The following GLTP variants were observed in gnomAD, a reference collection of about 807,000 sequenced individuals.
GLTP encodes the protein glycolipid transfer protein.
A neutral mutation model predicts 24.0 loss-of-function variants in GLTP; 22 were observed. That is an observed-to-expected ratio of 0.92 (90% CI 0.65 to 1.31). The LOEUF (loss-of-function observed/expected upper bound fraction) is 1.31. Among genes scored for constraint, GLTP ranks in the 50% most tolerant of loss-of-function variants. GLTP has a pLI of 0.00. For synonymous variants in GLTP, 92 were observed against 115.9 expected (o/e 0.79, Z 1.33); for missense variants, 224 against 276.6 (o/e 0.81, Z 1.35).
chr12:109,858,194 C>T (rs781611277), intron 2 of GLTP: 4 of 457,274 alleles, frequency 8.7e-6, no homozygotes, highest in South Asian at 6.2e-5. Context: ...GCTTCCTCAT[C>T]TGTAAAAAGG....
In GLTP at chr12:109,852,529, G is replaced by A. The variant is rs543402182; in HGVS notation, c.*26C>T. On this transcript the variant is annotated 3_prime_UTR_variant, in exon 5 of 5. Transcript: ENST00000318348. The stretch of plus-strand genomic sequence containing the variant: ...CTGTTTCTCCATGTGGCCACGAGTC[G>A]GGGACGTGTCCAGCAGTGGGCATGC... 8.0e-5 allele frequency: 120 copies of A among 1,496,468 alleles called. 3 individuals are homozygous for A. The South Asian group carries it at 1.0e-3, about 13-fold the overall frequency. 92.7% of individuals were successfully genotyped at this position (1,496,468 alleles called of 1,614,324 possible). A position where few individuals can be genotyped will look rare whatever the true frequency, so the allele number is the denominator to read the frequency against.
Position 109,858,741 on chromosome 12 carries a change from T to C in GLTP, c.104A>G (p.Asp35Gly), listed in dbSNP as rs760078865. 2.5e-6 allele frequency: 4 copies of C among 1,605,276 alleles called. No individual in the cohort carries two copies. Among genetic ancestry groups the C allele is most frequent in the Non-Finnish European group, 3.4e-6 (4 of 1,172,002 alleles). ...EAVSHLPPFF[D>G]CLGSPVFTPI... ...AGTAAACACTGGGGACCCAAGGCAA[T>C]CTGGGGACAAAATGAGAAGACAGAT... Residue 35 changes from aspartate (D) to glycine (G), a missense_variant and splice_region_variant, in exon 2 of 5, where the codon GAT becomes GGT. By Grantham distance (94) the Asp-to-Gly change is moderately conservative (BLOSUM62 -1). Coordinates refer to ENST00000318348, the MANE Select transcript of GLTP (RefSeq NM_016433.4).
chr12:109,873,929 G>A (rs1868806608), intron 1 of GLTP, among the ~76,000 whole-genome samples: 1 of 152,206 alleles, frequency 6.6e-6, no homozygotes, highest in African/African-American at 2.4e-5. Context: ...CAGGAGTTAT[G>A]GACCAGCTTG....
intron 1 of GLTP, among the ~76,000 whole-genome samples, chr12:109,875,581 A>G (rs1868856386): frequency 6.6e-6 from 1 of 152,042 alleles, no homozygotes. Flanking sequence ...GAGAAAGGAG[A>G]CCTCCCAGAA....
rs1362961799 is a variant in GLTP at position 109,855,289 on chromosome 12, G to C, written c.447+330C>G. ...AGGGGTAAATTTGAGGGGCCATCAG[G>C]CTGGGCCACTTTTGACCTGGGGTCC... On this transcript the variant is annotated intron_variant, in intron 4 of 4. Transcript: ENST00000318348. This position sits in a 1 kb window ranked among gnomAD's most constrained non-coding sequence, Gnocchi z 4.1. Among the ~76,000 whole-genome samples, 1 of 152,198 alleles carries C rather than the reference G, an allele frequency of 6.6e-6. No homozygotes were observed. The highest frequency in any genetic ancestry group is 6.5e-5 in the Admixed American group (1 of 15,284).
intron 1 of GLTP, among the ~76,000 whole-genome samples, chr12:109,868,833 A>G (rs1868623686): frequency 6.6e-6 from 1 of 152,152 alleles, no homozygotes; most frequent in African/African-American, 2.4e-5. Flanking sequence ...GATGGAGATG[A>G]ATCATTTATT....
chr12:109,878,263 G>A (rs1868947791), intron 1 of GLTP, among the ~76,000 whole-genome samples: 1 of 152,094 alleles, frequency 6.6e-6, no homozygotes, highest in African/African-American at 2.4e-5. Context: ...GTGCAACCTC[G>A]CTGAAAATAA....
At position 109,855,501 on chromosome 12, in the gene GLTP, C is replaced by T; in HGVS notation, c.447+118G>A. On this transcript the variant is annotated intron_variant, in intron 4 of 4. Transcript: ENST00000318348. The surrounding 1 kb of genome is among the most constrained non-coding windows in gnomAD (Gnocchi z 4.1). ...ACCCAAATAGATGAGGGAGCCCTTC[C>T]TGAGCCCGAGGGGGTAAACACAGCC... 1.1e-6 allele frequency: 1 copy of T among 896,916 alleles called. No homozygotes were observed. The highest frequency in any genetic ancestry group is 2.7e-5 in the East Asian group (1 of 36,426). 55.6% of individuals were successfully genotyped at this position (896,916 alleles called of 1,614,324 possible). A position where few individuals can be genotyped will look rare whatever the true frequency, so the allele number is the denominator to read the frequency against.
At chr12:109,861,557 G>A (rs1465378855) in intron 1 of GLTP, among the ~76,000 whole-genome samples, 1 of 152,162 alleles carries the variant, frequency 6.6e-6, no homozygotes, top group Non-Finnish European at 1.5e-5. Context: ...AGACCAGCCT[G>A]GCCAACATGG....
intron 1 of GLTP, among the ~76,000 whole-genome samples, chr12:109,861,141 A>G (rs1263476200): frequency 2.6e-5 from 4 of 152,214 alleles, no homozygotes; most frequent in African/African-American, 7.2e-5. Flanking sequence ...GCATGAGGGC[A>G]GAAGGCTAGG....
At chr12:109,854,233 A>G (rs1592887694) in intron 4 of GLTP, among the ~76,000 whole-genome samples, 1 of 151,614 alleles carries the variant, frequency 6.6e-6, no homozygotes. Context: ...GGTGGCTCGC[A>G]CCTGTAGTCC....
In GLTP at chr12:109,854,850, C is replaced by T. The variant is rs575449334; in HGVS notation, c.447+769G>A. On this transcript the variant is annotated intron_variant, in intron 4 of 4. Coordinates refer to ENST00000318348, the MANE Select transcript of GLTP (RefSeq NM_016433.4). ...ATGACCAGCTCTTCCTCTCTGGAACCATACTGGCTTCTGCCCCAGCCTGCT... is the reference window on the plus strand; with the variant it reads ...ATGACCAGCTCTTCCTCTCTGGAACTATACTGGCTTCTGCCCCAGCCTGCT... 3.8e-4 allele frequency among the ~76,000 whole-genome samples: 58 copies of T among 152,338 alleles called. 1 individual carries two copies. Among genetic ancestry groups the T allele is most frequent in the Admixed American group, 3.2e-3 (49 of 15,308 alleles).
chr12:109,857,744 C>A lies in GLTP; in HGVS notation c.163-85G>T, dbSNP rs1892818323. ...GCACGCTGGGTGAAAAGCACCCTAC[C>A]GGCATCTCCTGCTCCTTCCTGCCCT... On this transcript the variant is annotated intron_variant, in intron 2 of 4. Transcript: ENST00000318348. The surrounding 1 kb of genome is among the most constrained non-coding windows in gnomAD (Gnocchi z 4.3). The A allele has an allele frequency of 7.4e-7, 1 of 1,353,238 alleles. No individual in the cohort carries two copies. 83.8% of individuals were successfully genotyped at this position (1,353,238 alleles called of 1,614,324 possible).
At position 109,880,310 on chromosome 12, in the gene GLTP, G is replaced by A. The variant is rs748109225; in HGVS notation, c.65C>T (p.Pro22Leu). The change falls in exon 1 of 5, where the codon CCC (proline) becomes CTC (leucine). Residue 22 changes from proline (P) to leucine (L), a missense_variant. Coordinates refer to ENST00000318348, the MANE Select transcript of GLTP (RefSeq NM_016433.4). The surrounding 1 kb of genome is among the most constrained non-coding windows in gnomAD (Gnocchi z 5.1). Reference protein sequence around the residue: ...LPADKQIETGPFLEAVSHLPP... With the variant: ...LPADKQIETGLFLEAVSHLPP... ...CAGGTGGGACACCGCCTCGAGGAAG[G>A]GCCCGGTCTCGATCTGCTTGTCCGC... 2.5e-6 allele frequency: 4 copies of A among 1,606,790 alleles called. No homozygotes were observed. The highest frequency in any genetic ancestry group is 1.7e-6 in the Non-Finnish European group (2 of 1,178,034).
intron 1 of GLTP, among the ~76,000 whole-genome samples, chr12:109,876,244 G>A (rs1285003202): frequency 1.3e-5 from 2 of 152,150 alleles, no homozygotes; most frequent in Admixed American, 6.5e-5. Context: ...TTGGGAGGCC[G>A]AGGCATGAGG....
At chr12:109,877,479 G>A (rs1277585067) in intron 1 of GLTP, among the ~76,000 whole-genome samples, 1 of 152,138 alleles carries the variant, frequency 6.6e-6, no homozygotes, top group Middle Eastern at 3.2e-3. Context: ...CCTCCCTGGG[G>A]ATAGTTTAGG....
In GLTP at chr12:109,855,792, T is replaced by C; in HGVS notation, c.297-23A>G. On this transcript the variant is annotated intron_variant, in intron 3 of 4. Transcript: ENST00000318348. The surrounding 1 kb of genome is among the most constrained non-coding windows in gnomAD (Gnocchi z 4.1). ...CCTCTGTGGCCCAGGGAGGAGAAGGTTCGTTAGGACCCTGCACAGCCCTGT... is the reference window on the plus strand; with the variant it reads ...CCTCTGTGGCCCAGGGAGGAGAAGGCTCGTTAGGACCCTGCACAGCCCTGT... 6.4e-7 allele frequency: 1 copy of C among 1,561,812 alleles called. No individual in the cohort carries two copies. The highest frequency in any genetic ancestry group is 8.7e-7 in the Non-Finnish European group (1 of 1,155,258).
intron 1 of GLTP, among the ~76,000 whole-genome samples, chr12:109,865,572 G>A (rs1392131858): frequency 5.3e-5 from 8 of 151,844 alleles, no homozygotes; most frequent in African/African-American, 1.9e-4. Context: ...AGGTTACAGT[G>A]AGTTGAGATT....
chr12:109,862,470 C>A (rs1172574474), intron 1 of GLTP, among the ~76,000 whole-genome samples: 2 of 152,216 alleles, frequency 1.3e-5, no homozygotes, highest in African/African-American at 2.4e-5. Flanking sequence ...GGTGCAAATT[C>A]CAACCCTCAC....
Sources: allele counts gnomAD v4.1 joint callset (sites outside exome capture counted in the v4.1 genomes callset), GRCh38; gene constraint gnomAD v4.1.1; non-coding constraint Gnocchi (gnomAD v3.1); transcripts MANE v1.5; gene names NCBI Gene and HGNC (gene_info 2026-07-23, HGNC 2026-07-21).